The following FBXO32 variants were observed in gnomAD, a reference collection of about 807,000 sequenced individuals.
FBXO32 encodes the protein F-box protein 32.
In FBXO32, 15 loss-of-function variants were observed where a neutral mutation model predicts 48.3. The observed-to-expected ratio is 0.31, with a 90% confidence interval of 0.21 to 0.48. FBXO32 has a LOEUF of 0.48. Ranked by LOEUF, FBXO32 falls within the 20% of genes least tolerant of loss-of-function variation. FBXO32 has a pLI of 0.99. For missense variants in FBXO32, 309 were observed against 432.7 expected (o/e 0.71, Z 2.54); for synonymous variants, 154 against 165.9 (o/e 0.93, Z 0.55).
At chr8:123,516,171 C>A (rs1299274246) in intron 4 of FBXO32, among the ~76,000 whole-genome samples, 4 of 152,146 alleles carry the variant, frequency 2.6e-5, no homozygotes, top group African/African-American at 7.2e-5. Context: ...CTTCTCAACA[C>A]AGGAAAATAT....
At position 123,499,344 on chromosome 8, in the gene FBXO32, A is replaced by G. The variant is rs1297679689; in HGVS notation, c.*4029T>C. Reference sequence around the variant, plus strand: ...CCATCAAGGACCCAAGATATATCAAAGAACAACATCTCTGTATTGGCCTAC... The same window carrying G: ...CCATCAAGGACCCAAGATATATCAAGGAACAACATCTCTGTATTGGCCTAC... On this transcript the variant is annotated 3_prime_UTR_variant, in exon 9 of 9. Transcript: ENST00000517956. The G allele has an allele frequency of 6.6e-6, 1 of 152,220 alleles. No homozygotes were observed. The highest frequency in any genetic ancestry group is 1.5e-5 in the Non-Finnish European group (1 of 68,042). The allele number at this position is 152,220 out of a possible 1,614,324, so 9.4% of individuals were successfully genotyped here. A position where few individuals can be genotyped will look rare whatever the true frequency, so the allele number is the denominator to read the frequency against.
At chr8:123,514,369 A>G (rs1816796664) in intron 4 of FBXO32, 36 bp from the exon 5 acceptor site, 2 of 1,538,282 alleles carry the variant, frequency 1.3e-6, no homozygotes, top group African/African-American at 1.4e-5. Flanking sequence ...GGCTTAGAGT[A>G]CAGAGATATT....
intron 2 of FBXO32, among the ~76,000 whole-genome samples, chr8:123,533,868 A>G (rs969178035): frequency 6.6e-6 from 1 of 151,492 alleles, no homozygotes; most frequent in Non-Finnish European, 1.5e-5. Context: ...AGAGCGGGGT[A>G]GATCGCTTGA....
chr8:123,533,219 A>G lies in FBXO32; in HGVS notation c.251T>C (p.Ile84Thr). ...KTQYFHQEKW[I>T]YVHKGSTKER... ...TTTAGTACTTCCTTTGTGAACATAG[A>G]TCCATTTTTCTTGGTGGAAATCTAC... The change falls in exon 3 of 9, where the codon ATC (isoleucine) becomes ACC (threonine). Residue 84 changes from isoleucine to threonine, a missense_variant. Transcript: ENST00000517956. The G allele has an allele frequency of 6.2e-7, 1 of 1,613,102 alleles. No homozygotes were observed. The highest frequency in any genetic ancestry group is 8.5e-7 in the Non-Finnish European group (1 of 1,179,158).
chr8:123,516,239 A>G (rs1331298484), intron 4 of FBXO32, among the ~76,000 whole-genome samples: 1 of 152,224 alleles, frequency 6.6e-6, no homozygotes, highest in African/African-American at 2.4e-5. Flanking sequence ...AAGTGAAAGT[A>G]ATTAACTTCA....
chr8:123,514,363 T>TA (rs1563921570), intron 4 of FBXO32, 30 bp from the exon 5 acceptor site: 8 of 1,574,772 alleles, frequency 5.1e-6, no homozygotes, highest in Non-Finnish European at 7.0e-6. Flanking sequence ...TTGCCAGGCT[T>TA]AGAGTACAGA....
At chr8:123,508,920 TG>T (rs1816683255) in intron 6 of FBXO32, among the ~76,000 whole-genome samples, 1 of 152,228 alleles carries the variant, frequency 6.6e-6, no homozygotes, top group Admixed American at 6.5e-5. Context: ...AGTGGTTAAC[TG>T]CTTACATGCC....
Position 123,503,283 on chromosome 8 carries a change from C to A in FBXO32, c.*90G>T, listed in dbSNP as rs1372067627. 4.7e-6 allele frequency: 5 copies of A among 1,053,864 alleles called. No individual in the cohort carries two copies. The highest frequency in any genetic ancestry group is 1.4e-6 in the Non-Finnish European group (1 of 695,206). 65.3% of individuals were successfully genotyped at this position (1,053,864 alleles called of 1,614,324 possible). A position where few individuals can be genotyped will look rare whatever the true frequency, so the allele number is the denominator to read the frequency against. On this transcript the variant is annotated 3_prime_UTR_variant, in exon 9 of 9. Transcript: ENST00000517956. Reference sequence around the variant, plus strand: ...GTTTCGAGCCAATGTTTAAAATGTACACTATTTACAAATGAAGTGTCCAAA... The same window carrying A: ...GTTTCGAGCCAATGTTTAAAATGTAAACTATTTACAAATGAAGTGTCCAAA...
intron 6 of FBXO32, among the ~76,000 whole-genome samples, chr8:123,511,023 G>A (rs1265918050): frequency 6.6e-6 from 1 of 152,254 alleles, no homozygotes; most frequent in African/African-American, 2.4e-5. Context: ...AGCTCCTCGT[G>A]CAGAAGAGAT....
chr8:123,523,504 C>T (rs1817004673), intron 4 of FBXO32, among the ~76,000 whole-genome samples: 1 of 152,012 alleles, frequency 6.6e-6, no homozygotes, highest in Admixed American at 6.6e-5. Context: ...GCAGGAGAAT[C>T]GCTTGAACCC....
intron 1 of FBXO32, among the ~76,000 whole-genome samples, chr8:123,538,786 T>A (rs1298133737): frequency 2.6e-5 from 4 of 152,016 alleles, no homozygotes; most frequent in African/African-American, 9.7e-5. Flanking sequence ...CAGCTCCAGC[T>A]CAGGTGTGAA....
intron 2 of FBXO32, among the ~76,000 whole-genome samples, chr8:123,533,669 G>C (rs779723924): frequency 6.6e-6 from 1 of 151,954 alleles, no homozygotes; most frequent in East Asian, 1.9e-4. Flanking sequence ...TTAGCCAGGC[G>C]TGGTGGCAGG....
intron 4 of FBXO32, among the ~76,000 whole-genome samples, chr8:123,529,830 C>T (rs895659617): frequency 6.6e-6 from 1 of 152,142 alleles, no homozygotes; most frequent in African/African-American, 2.4e-5. Context: ...GATGCTTGTT[C>T]CTTGCTTTAT....
chr8:123,520,438 G>A (rs1336891963), intron 4 of FBXO32, among the ~76,000 whole-genome samples: 2 of 152,184 alleles, frequency 1.3e-5, no homozygotes, highest in Non-Finnish European at 2.9e-5. Flanking sequence ...GCAGTACCAG[G>A]AATGGCTCTG....
chr8:123,505,793 G>A (rs920185485), intron 7 of FBXO32, among the ~76,000 whole-genome samples: 1 of 152,120 alleles, frequency 6.6e-6, no homozygotes, highest in Non-Finnish European at 1.5e-5. Context: ...AAGTTATTGT[G>A]TTATAGAAAA....
At chr8:123,534,588 A>T in intron 2 of FBXO32, 114 bp downstream of exon 2, 1 of 618,096 alleles carries the variant, frequency 1.6e-6, no homozygotes, top group East Asian at 2.8e-5. Flanking sequence ...AGTGACACAC[A>T]GTAAAACACT....
At position 123,524,612 on chromosome 8, in the gene FBXO32, G is replaced by A. The variant is rs137985772; in HGVS notation, c.372+7286C>T. On this transcript the variant is annotated intron_variant, in intron 4 of 8. Transcript: ENST00000517956. Reference sequence around the variant, plus strand: ...GGATGGTGGCACGATCTTGGCTCCCGGGTTCAAGTGATTCTCATGCCTCAG... The same window carrying A: ...GGATGGTGGCACGATCTTGGCTCCCAGGTTCAAGTGATTCTCATGCCTCAG... Among the ~76,000 whole-genome samples the A allele has an allele frequency of 5.3e-5, 8 of 152,124 alleles. No homozygotes were observed. In the East Asian group the frequency reaches 1.5e-3, roughly 29 times the overall value.
chr8:123,511,908 C>G (rs978031554), intron 6 of FBXO32, among the ~76,000 whole-genome samples: 9 of 152,152 alleles, frequency 5.9e-5, no homozygotes, highest in Admixed American at 1.3e-4. Context: ...TCAGTCAGTC[C>G]AGGCCATAGA....
At chr8:123,539,821 G>C (rs1197957989) in intron 1 of FBXO32, among the ~76,000 whole-genome samples, 2 of 152,198 alleles carry the variant, frequency 1.3e-5, no homozygotes, top group Non-Finnish European at 2.9e-5. Context: ...CAATTTAAGG[G>C]TGCAGGGGCC....
Sources: allele counts gnomAD v4.1 joint callset (sites outside exome capture counted in the v4.1 genomes callset), GRCh38; gene constraint gnomAD v4.1.1; transcripts MANE v1.5; gene names NCBI Gene and HGNC (gene_info 2026-07-23, HGNC 2026-07-21).